The following TNIP2 variants were observed in gnomAD, a reference collection of about 807,000 sequenced individuals.
The protein encoded by TNIP2 is TNFAIP3 interacting protein 2.
In TNIP2, 30 loss-of-function variants were observed where a neutral mutation model predicts 43.7. That is an observed-to-expected ratio of 0.69 (90% CI 0.51 to 0.93). TNIP2 has a LOEUF of 0.93. Among genes scored for constraint, TNIP2 ranks in the 40% least tolerant of loss-of-function variants. TNIP2 has a pLI of 0.00. For missense variants in TNIP2, 599 were observed against 591.0 expected (o/e 1.01, Z -0.14); for synonymous variants, 260 against 254.6 (o/e 1.02, Z -0.20).
In TNIP2 at chr4:2,744,418, G is replaced by A; in HGVS notation, c.995C>T (p.Ala332Val). The A allele has an allele frequency of 6.2e-7, 1 of 1,614,220 alleles. No homozygotes were observed. Among genetic ancestry groups the A allele is most frequent in the Non-Finnish European group, 8.5e-7 (1 of 1,180,034 alleles). Residue 332 changes from alanine to valine, a missense_variant, in exon 5 of 6, where the codon GCC (alanine) becomes GTC (valine). Ala to Val is a moderately conservative substitution (Grantham distance 64, BLOSUM62 0). Coordinates refer to ENST00000315423, the MANE Select transcript of TNIP2 (RefSeq NM_024309.4). This position sits in a 1 kb window ranked among gnomAD's most constrained non-coding sequence, Gnocchi z 5.1. ...SRIQELEEKV[A>V]SLLHQVSWRQ... ...CCAGGACACCTGGTGCAGCAAAGAG[G>A]CGACCTTTTCCTCCAGTTCTTGAAT...
chr4:2,747,537 G>A lies in TNIP2; in HGVS notation c.567+118C>T, dbSNP rs560128626. ...AGCTTTGCCCCGTCAGCTGACTCTC[G>A]TTACTGAGAACAGAAGTGGGTTCTG... is the stretch of plus-strand genomic sequence containing the variant. On this transcript the variant is annotated intron_variant, in intron 2 of 5. Coordinates refer to ENST00000315423, the MANE Select transcript of TNIP2 (RefSeq NM_024309.4). The A allele has an allele frequency of 1.4e-4, 146 of 1,039,324 alleles. 2 individuals carry two copies. The highest frequency in any genetic ancestry group is 1.4e-3 in the African/African-American group (86 of 62,900). 64.4% of individuals were successfully genotyped at this position (1,039,324 alleles called of 1,614,324 possible).
intron 1 of TNIP2, among the ~76,000 whole-genome samples, chr4:2,748,406 G>A (rs561536665): frequency 2.0e-5 from 3 of 152,040 alleles, no homozygotes; most frequent in South Asian, 2.1e-4. Context: ...GCAGTGGAGC[G>A]ATCTCAGCTC....
intron 1 of TNIP2, among the ~76,000 whole-genome samples, chr4:2,751,250 A>G (rs1321507824): frequency 6.6e-6 from 1 of 152,244 alleles, no homozygotes; most frequent in Non-Finnish European, 1.5e-5. Flanking sequence ...AAAACAAGGT[A>G]CGAGCTGGAG....
At position 2,744,948 on chromosome 4, in the gene TNIP2, G is replaced by A. The variant is rs1450168318; in HGVS notation, c.658-3C>T. The A allele has an allele frequency of 6.3e-7, 1 of 1,599,370 alleles. No homozygotes were observed. Among genetic ancestry groups the A allele is most frequent in the African/African-American group, 1.3e-5 (1 of 74,718 alleles). ...CACTTGGCATTGAGGTCTTCAACCT[G>A]AAGAGGTGGAGCCGGAAAGCTCACG... On this transcript the variant is annotated splice_region_variant and splice_polypyrimidine_tract_variant and intron_variant, in intron 3 of 5. Coordinates refer to ENST00000315423, the MANE Select transcript of TNIP2 (RefSeq NM_024309.4). This position sits in a 1 kb window ranked among gnomAD's most constrained non-coding sequence, Gnocchi z 5.1.
Position 2,742,276 on chromosome 4 carries a change from A to G in TNIP2, c.1271T>C (p.Val424Ala), listed in dbSNP as rs1721810711. ...DEQGEELLRH[V>A]AECCQ ...TCTCGGTCACTGGCAGCACTCAGCC[A>G]CATGCCTGAGGAGCTCTTCCCCTTG... The change falls in exon 6 of 6, where the codon GTG becomes GCG. Residue 424 changes from valine (V) to alanine (A), a missense_variant. By Grantham distance (64) the Val-to-Ala change is moderately conservative. Transcript: ENST00000315423. 4 of 1,490,794 alleles carry G rather than the reference A, an allele frequency of 2.7e-6. No homozygotes were observed. 92.3% of individuals were successfully genotyped at this position (1,490,794 alleles called of 1,614,324 possible).
At chr4:2,753,281 A>T (rs138147287) in intron 1 of TNIP2, among the ~76,000 whole-genome samples, 1,614 of 152,120 alleles carry the variant, frequency 0.011, 15 homozygotes, top group Middle Eastern at 0.034. Context: ...TCTACAAAAA[A>T]AAAATAAAAT....
chr4:2,756,302 G>T lies in TNIP2; in HGVS notation c.-13C>A. 5 of 1,222,532 alleles carry T rather than the reference G, an allele frequency of 4.1e-6. No individual in the cohort carries two copies. Among genetic ancestry groups the T allele is most frequent in the Non-Finnish European group, 5.1e-6 (5 of 982,638 alleles). 75.7% of individuals were successfully genotyped at this position (1,222,532 alleles called of 1,614,324 possible). A position where few individuals can be genotyped will look rare whatever the true frequency, so the allele number is the denominator to read the frequency against. ...GGTCCCGGGACATGGCTGTAGGCCC[G>T]CCCGGGAGGCCGCGCGGCCGCCGGC... On this transcript the variant is annotated 5_prime_UTR_variant, in exon 1 of 6. Coordinates refer to ENST00000315423, the MANE Select transcript of TNIP2 (RefSeq NM_024309.4).
At chr4:2,750,425 A>ATTG (rs1181594507) in intron 1 of TNIP2, among the ~76,000 whole-genome samples, 1 of 78,126 alleles carries the variant, frequency 1.3e-5, no homozygotes, top group Non-Finnish European at 2.8e-5. Context: ...TATTATTATT[A>ATTG]TTATTATTTT....
chr4:2,743,005 C>G (rs1166988727), intron 5 of TNIP2, among the ~76,000 whole-genome samples: 8 of 152,176 alleles, frequency 5.3e-5, no homozygotes, highest in Non-Finnish European at 1.0e-4. Flanking sequence ...CTTGGCCCCA[C>G]CAACCACCTG....
Position 2,756,313 on chromosome 4 carries a change from C to T in TNIP2, c.-24G>A. The stretch of plus-strand genomic sequence containing the variant: ...ATGGCTGTAGGCCCGCCCGGGAGGC[C>T]GCGCGGCCGCCGGCAACTTCCGCGC... On this transcript the variant is annotated 5_prime_UTR_variant, in exon 1 of 6. Coordinates refer to ENST00000315423, the MANE Select transcript of TNIP2 (RefSeq NM_024309.4). 2.5e-6 allele frequency: 3 copies of T among 1,205,722 alleles called. No individual in the cohort carries two copies. The highest frequency in any genetic ancestry group is 3.1e-6 in the Non-Finnish European group (3 of 971,096). 74.7% of individuals were successfully genotyped at this position (1,205,722 alleles called of 1,614,324 possible). A position where few individuals can be genotyped will look rare whatever the true frequency, so the allele number is the denominator to read the frequency against.
intron 2 of TNIP2, among the ~76,000 whole-genome samples, chr4:2,747,167 T>C (rs1028278795): frequency 3.3e-5 from 5 of 152,246 alleles, no homozygotes; most frequent in Non-Finnish European, 7.3e-5. Flanking sequence ...CGGTTCCAGC[T>C]GTGCCTGCAT....
At chr4:2,750,559 T>TG (rs1426397933) in intron 1 of TNIP2, among the ~76,000 whole-genome samples, 2 of 151,964 alleles carry the variant, frequency 1.3e-5, no homozygotes, top group Admixed American at 6.6e-5. Flanking sequence ...CCCAAATAGC[T>TG]GGGACCATGG....
chr4:2,755,806 GCCCCCTCACCCCCAGGACCCGGCA>G (rs1387853351), intron 1 of TNIP2, 184 bp downstream of exon 1: 5 of 591,416 alleles, frequency 8.5e-6, no homozygotes, highest in Non-Finnish European at 1.2e-5. Flanking sequence ...AGGAGCCGGG[GCCCCCTCACCCCCAGGACCCGGCA>G]CCCCCTCAAC....
In TNIP2 at chr4:2,744,246, C is replaced by T; in HGVS notation, c.1026+141G>A. The T allele has an allele frequency of 2.8e-6, 3 of 1,074,698 alleles. No homozygotes were observed. The highest frequency in any genetic ancestry group is 3.1e-5 in the South Asian group (2 of 63,830). 66.6% of individuals were successfully genotyped at this position (1,074,698 alleles called of 1,614,324 possible). A position where few individuals can be genotyped will look rare whatever the true frequency, so the allele number is the denominator to read the frequency against. Reference sequence around the variant, plus strand: ...CCCAGGTACCAGGCCAGGTGGCTCTCCCCACAGCAGGGAGGGGCTCGCCAC... The same window carrying T: ...CCCAGGTACCAGGCCAGGTGGCTCTTCCCACAGCAGGGAGGGGCTCGCCAC... On this transcript the variant is annotated intron_variant, in intron 5 of 5. Transcript: ENST00000315423. The surrounding 1 kb of genome is among the most constrained non-coding windows in gnomAD (Gnocchi z 5.1).
Position 2,747,891 on chromosome 4 carries a change from G to C in TNIP2, c.331C>G (p.Leu111Val). ...LEEKEREMQQLLSQPQHEREK... is the reference protein window; with the variant it reads ...LEEKEREMQQVLSQPQHEREK... ...CGCTCGTGTTGGGGCTGGCTCAGCA[G>C]CTGCTGCATCTCCCTCTCTTTTTCT... The change falls in exon 2 of 6, where the codon CTG (leucine) becomes GTG (valine). Residue 111 changes from leucine to valine, a missense_variant. Coordinates refer to ENST00000315423, the MANE Select transcript of TNIP2 (RefSeq NM_024309.4). 1 of 1,613,724 alleles carries C rather than the reference G, an allele frequency of 6.2e-7. No individual in the cohort carries two copies. The highest frequency in any genetic ancestry group is 8.5e-7 in the Non-Finnish European group (1 of 1,180,034).
chr4:2,744,555 C>T lies in TNIP2; in HGVS notation c.907-49G>A. The T allele has an allele frequency of 1.2e-6, 2 of 1,611,858 alleles. No individual in the cohort carries two copies. The highest frequency in any genetic ancestry group is 1.7e-6 in the Non-Finnish European group (2 of 1,178,922). ...TTCTGCTCAAGGAAGGAGGAAGCGC[C>T]CCACCAGGCTTCTCCCACCCCCACA... On this transcript the variant is annotated intron_variant, in intron 4 of 5. Transcript: ENST00000315423. This position sits in a 1 kb window ranked among gnomAD's most constrained non-coding sequence, Gnocchi z 5.1.
At position 2,752,202 on chromosome 4, in the gene TNIP2, G is replaced by A. The variant is rs145559234; in HGVS notation, c.276+3812C>T. On this transcript the variant is annotated intron_variant, in intron 1 of 5. Coordinates refer to ENST00000315423, the MANE Select transcript of TNIP2 (RefSeq NM_024309.4). ...AACAAGCAAAGCAAAGCTAAGCTAAGCCGGAAGGGAAAGGGGGCTGATACG... is the reference window on the plus strand; with the variant it reads ...AACAAGCAAAGCAAAGCTAAGCTAAACCGGAAGGGAAAGGGGGCTGATACG... Among the ~76,000 whole-genome samples the A allele has an allele frequency of 5.3e-5, 8 of 152,270 alleles. No individual in the cohort carries two copies. In the East Asian group the frequency reaches 1.5e-3, roughly 29 times the overall value.
rs1334860356 is a variant in TNIP2, at chr4:2,747,750, G to A, written c.472C>T (p.Leu158=). Reference sequence around the variant, plus strand: ...TGACACATGTGGGCGGTGGCGGTCAGCGTCCTCCGCAGCTGATGGGTCTCG... The same window carrying A: ...TGACACATGTGGGCGGTGGCGGTCAACGTCCTCCGCAGCTGATGGGTCTCG... ...ANETHQLRRT[L]TATAHMCQHL... The change falls in exon 2 of 6, where the codon CTG becomes TTG. Residue 158 remains leucine (L), a synonymous_variant. Coordinates refer to ENST00000315423, the MANE Select transcript of TNIP2 (RefSeq NM_024309.4). The A allele has an allele frequency of 6.2e-7, 1 of 1,609,540 alleles. No individual in the cohort carries two copies. The highest frequency in any genetic ancestry group is 1.3e-5 in the African/African-American group (1 of 74,928).
chr4:2,744,297 C>T lies in TNIP2; in HGVS notation c.1026+90G>A. 6.5e-7 allele frequency: 1 copy of T among 1,538,634 alleles called. No homozygotes were observed. Among genetic ancestry groups the T allele is most frequent in the South Asian group, 1.2e-5 (1 of 85,060 alleles). On this transcript the variant is annotated intron_variant, in intron 5 of 5. Transcript: ENST00000315423. The surrounding 1 kb of genome is among the most constrained non-coding windows in gnomAD (Gnocchi z 5.1). ...AACCCTCATCACCAGCAAATCAGGG[C>T]CTTGGCAGACACAGAAAGGCTCTAA...
Sources: allele counts gnomAD v4.1 joint callset (sites outside exome capture counted in the v4.1 genomes callset), GRCh38; gene constraint gnomAD v4.1.1; non-coding constraint Gnocchi (gnomAD v3.1); transcripts MANE v1.5; gene names NCBI Gene and HGNC (gene_info 2026-07-23, HGNC 2026-07-21).